DYNC1LI1: variants seen among roughly 807,000 people sequenced by gnomAD.
The protein encoded by DYNC1LI1 is cytoplasmic dynein 1 light intermediate chain 1.
Under a neutral mutation model 63.8 loss-of-function variants are expected in DYNC1LI1, and 19 were observed. The observed-to-expected ratio is 0.30, with a 90% CI of 0.21 to 0.44. The LOEUF (loss-of-function observed/expected upper bound fraction) is 0.44. DYNC1LI1 is among the 20% of genes least tolerant of loss of function. The probability of loss-of-function intolerance (pLI) is 1.00; values close to 1 mark genes in which losing one functional copy is unlikely to be tolerated. For synonymous variants in DYNC1LI1, 225 were observed against 232.3 expected (o/e 0.97, Z 0.28); for missense variants, 565 against 630.2 (o/e 0.90, Z 1.11).
rs1202219351 is a variant in DYNC1LI1 at position 32,561,745 on chromosome 3, G to A, written c.220+8601C>T. On this transcript the variant is annotated intron_variant, in intron 2 of 12. Transcript: ENST00000273130. The stretch of plus-strand genomic sequence containing the variant: ...GGAACTTATCCCAAAGAAAATACTG[G>A]ACAAGTGGAAAATGAGGTATAACAA... Among the ~76,000 whole-genome samples the A allele has an allele frequency of 5.3e-5, 8 of 151,320 alleles. No homozygotes were observed. The East Asian group carries it at 1.5e-3, about 29-fold the overall frequency.
At chr3:32,534,366 A>C in intron 7 of DYNC1LI1, 145 bp downstream of exon 7, 2 of 632,592 alleles carry the variant, frequency 3.2e-6, no homozygotes, top group Non-Finnish European at 5.3e-6. Context: ...ACAGGTTATA[A>C]ACAAAAAACA....
At chr3:32,528,318 T>C in intron 12 of DYNC1LI1, 128 bp downstream of exon 12, 3 of 946,746 alleles carry the variant, frequency 3.2e-6, no homozygotes, top group Non-Finnish European at 3.2e-6. Context: ...AATCAGATTA[T>C]GGTGATGGCC....
chr3:32,535,719 A>G (rs928302535), intron 6 of DYNC1LI1, among the ~76,000 whole-genome samples: 1 of 152,290 alleles, frequency 6.6e-6, no homozygotes, highest in Admixed American at 6.5e-5. Context: ...AAAATTTAAT[A>G]AAATAAAGGT....
rs1204243927 is a variant in DYNC1LI1, at chr3:32,526,916, GAAGAAA to G, written c.1463-14_1463-9del. 2 of 1,579,814 alleles carry G rather than the reference GAAGAAA, an allele frequency of 1.3e-6. No homozygotes were observed. The highest frequency in any genetic ancestry group is 1.7e-6 in the Non-Finnish European group (2 of 1,159,714). On this transcript the variant is annotated splice_polypyrimidine_tract_variant and intron_variant, in intron 12 of 12. Transcript: ENST00000273130. ...CTAAGACAGGCTTCTGGCCTACATT[GAAGAAA>G]AAGAAAAAAAACAAGATTTAGATAT...
chr3:32,564,538 C>T (rs1378544421), intron 2 of DYNC1LI1, among the ~76,000 whole-genome samples: 1 of 152,208 alleles, frequency 6.6e-6, no homozygotes, highest in African/African-American at 2.4e-5. Flanking sequence ...AAACTATTTA[C>T]AATCTGGCCC....
At chr3:32,529,789 T>C (rs1697670736) in intron 10 of DYNC1LI1, 129 bp from the exon 11 acceptor site, 1 of 727,884 alleles carries the variant, frequency 1.4e-6, no homozygotes, top group Non-Finnish European at 2.1e-6. Context: ...TGCAAGCCAT[T>C]GACAAAATTG....
At chr3:32,567,656 A>G (rs1698285957) in intron 2 of DYNC1LI1, among the ~76,000 whole-genome samples, 1 of 149,962 alleles carries the variant, frequency 6.7e-6, no homozygotes, top group Admixed American at 6.6e-5. Flanking sequence ...CCTCCACCTT[A>G]GCCTCCTGAG....
chr3:32,553,369 A>C (rs1698070093), intron 2 of DYNC1LI1, among the ~76,000 whole-genome samples: 1 of 152,130 alleles, frequency 6.6e-6, no homozygotes, highest in Non-Finnish European at 1.5e-5. Flanking sequence ...ACCAAACCAT[A>C]AAAAAGTGCT....
At chr3:32,558,871 A>T (rs1698152076) in intron 2 of DYNC1LI1, among the ~76,000 whole-genome samples, 1 of 151,932 alleles carries the variant, frequency 6.6e-6, no homozygotes, top group Non-Finnish European at 1.5e-5. Flanking sequence ...TAATAACAAC[A>T]ATTAACAGAT....
intron 5 of DYNC1LI1, among the ~76,000 whole-genome samples, chr3:32,538,008 A>AATTTATTAT (rs1559436427): frequency 3.8e-5 from 1 of 26,244 alleles, no homozygotes; most frequent in African/African-American, 2.2e-4. Flanking sequence ...TTATATATAT[A>AATTTATTAT]ATATATATAT....
At chr3:32,570,319 G>A (rs754670665) in intron 2 of DYNC1LI1, 27 bp downstream of exon 2, 2 of 1,533,824 alleles carry the variant, frequency 1.3e-6, no homozygotes, top group South Asian at 1.2e-5. Context: ...GGGCCGGGCG[G>A]GGCGGGGCGA....
Position 32,551,422 on chromosome 3 carries a change from G to A in DYNC1LI1, c.221-5457C>T, listed in dbSNP as rs77492652. Among the ~76,000 whole-genome samples, 3 of 152,258 alleles carry A rather than the reference G, an allele frequency of 2.0e-5. No individual in the cohort carries two copies. In the East Asian group the frequency reaches 5.8e-4, roughly 29 times the overall value. On this transcript the variant is annotated intron_variant, in intron 2 of 12. Coordinates refer to ENST00000273130, the MANE Select transcript of DYNC1LI1 (RefSeq NM_016141.4). ...ATTTAGGATGTGAAGGGGAAAGGAA[G>A]CAAAAGGTGAAAACAAACAGTGGAG...
chr3:32,554,183 T>C (rs557411111), intron 2 of DYNC1LI1, among the ~76,000 whole-genome samples: 25 of 152,376 alleles, frequency 1.6e-4, no homozygotes, highest in African/African-American at 5.8e-4. Context: ...GATATGTTCC[T>C]AGTCTTGTGA....
At chr3:32,531,240 C>G (rs548516706) in intron 8 of DYNC1LI1, 14 of 152,432 alleles carry the variant, frequency 9.2e-5, no homozygotes, top group African/African-American at 3.4e-4. Flanking sequence ...TAAAGACCCA[C>G]AGTAACTTAC....
chr3:32,565,370 A>C (rs1698244181), intron 2 of DYNC1LI1, among the ~76,000 whole-genome samples: 1 of 152,226 alleles, frequency 6.6e-6, no homozygotes. Flanking sequence ...AGTTACACTG[A>C]AGTCCTATCT....
At chr3:32,533,329 T>C (rs1234838188) in intron 7 of DYNC1LI1, among the ~76,000 whole-genome samples, 4 of 152,268 alleles carry the variant, frequency 2.6e-5, no homozygotes, top group South Asian at 2.1e-4. Context: ...AAAAATTAGC[T>C]GGGCATGCAT....
At position 32,545,064 on chromosome 3, in the gene DYNC1LI1, T is replaced by C. The variant is rs539989497; in HGVS notation, c.380A>G (p.Tyr127Cys). ...TGAAAATTTAAGGAGGCCTTTGTGA[T>C]ATAGGTCTCCATCTAAGATCCAAAC... is the stretch of plus-strand genomic sequence containing the variant. ...CNVWILDGDLYHKGLLKFSLD... is the reference protein window; with the variant it reads ...CNVWILDGDLCHKGLLKFSLD... The change falls in exon 4 of 13, where the codon TAT (tyrosine) becomes TGT (cysteine). Residue 127 changes from tyrosine (Y) to cysteine (C), a missense_variant. Coordinates refer to ENST00000273130, the MANE Select transcript of DYNC1LI1 (RefSeq NM_016141.4). 114 of 1,613,822 alleles carry C rather than the reference T, an allele frequency of 7.1e-5. 1 individual carries two copies. In the South Asian group the frequency reaches 1.1e-3, roughly 16 times the overall value.
intron 12 of DYNC1LI1, among the ~76,000 whole-genome samples, chr3:32,527,506 G>A (rs1697636893): frequency 6.6e-6 from 1 of 151,836 alleles, no homozygotes; most frequent in African/African-American, 2.4e-5. Context: ...AACAACAGAT[G>A]ACAATAAAAA....
intron 5 of DYNC1LI1, among the ~76,000 whole-genome samples, chr3:32,537,938 A>AAT (rs1491496620): frequency 5.8e-4 from 6 of 10,286 alleles, no homozygotes; most frequent in East Asian, 2.2e-3. Context: ...TATATATATA[A>AAT]TATATATATA....
Sources: allele counts gnomAD v4.1 joint callset (sites outside exome capture counted in the v4.1 genomes callset), GRCh38; gene constraint gnomAD v4.1.1; transcripts MANE v1.5; gene names NCBI Gene and HGNC (gene_info 2026-07-23, HGNC 2026-07-21).